Variants in NID2 observed in about 807,000 individuals in gnomAD.
NID2 encodes nidogen-2.
Under a neutral mutation model 145.4 loss-of-function variants are expected in NID2, and 83 were observed. That is an observed-to-expected ratio of 0.57 (90% CI 0.48 to 0.69). The LOEUF is 0.69. Ranked by LOEUF, NID2 falls within the 30% of genes least tolerant of loss-of-function variation. The probability of loss-of-function intolerance (pLI) is 0.00; values close to 1 mark genes in which losing one functional copy is unlikely to be tolerated. For synonymous variants in NID2, 739 were observed against 701.3 expected, an observed-to-expected ratio of 1.05 and a Z score of -0.85; for missense variants, 1,807 against 1,765.7, an observed-to-expected ratio of 1.02 and a Z score of -0.42.
intron 3 of NID2, 38 bp from the exon 4 acceptor site, chr14:52,054,359 C>A: frequency 6.4e-7 from 1 of 1,573,110 alleles, no homozygotes; most frequent in Non-Finnish European, 8.6e-7. Flanking sequence ...ACAAATGTAA[C>A]AAAAGTGTCC....
chr14:52,065,120 C>T (rs1893142922), intron 2 of NID2, among the ~76,000 whole-genome samples: 1 of 152,120 alleles, frequency 6.6e-6, no homozygotes, highest in Non-Finnish European at 1.5e-5. Flanking sequence ...TACACCTTGA[C>T]ATTCCTGCAA....
intron 13 of NID2, among the ~76,000 whole-genome samples, chr14:52,019,521 A>G (rs1022454314): frequency 2.6e-5 from 4 of 152,076 alleles, no homozygotes; most frequent in Non-Finnish European, 5.9e-5. Flanking sequence ...GCCCCTCCCT[A>G]TTGTCATCTG....
At chr14:52,061,367 T>C (rs1318283553) in intron 2 of NID2, among the ~76,000 whole-genome samples, 1 of 152,198 alleles carries the variant, frequency 6.6e-6, no homozygotes, top group Middle Eastern at 3.2e-3. Context: ...ACACCATTCA[T>C]TTATTCATTC....
Position 52,006,582 on chromosome 14 carries a change from C to T in NID2, c.3959G>A (p.Ser1320Asn). 6.2e-7 allele frequency: 1 copy of T among 1,613,846 alleles called. No homozygotes were observed. Residue 1320 changes from serine (S) to asparagine (N), a missense_variant, in exon 20 of 22, where the codon AGC becomes AAC. Physicochemically the swap from Ser to Asn is conservative, Grantham distance 46. Transcript: ENST00000216286. ...VIQNNLKYPF[S>N]IVSYADHFYH... ...GAAGTGATCTGCATAGCTTACGATG[C>T]TGAAGGGGTACTTGAGGTTGTTTTG...
chr14:52,034,671 C>G (rs1408416012), intron 9 of NID2, among the ~76,000 whole-genome samples: 3 of 152,184 alleles, frequency 2.0e-5, no homozygotes, highest in African/African-American at 7.2e-5. Flanking sequence ...TTTATTGAGC[C>G]TGCTGAGGCT....
chr14:52,030,573 G>GGA (rs1891801447), intron 9 of NID2, among the ~76,000 whole-genome samples: 4 of 26,038 alleles, frequency 1.5e-4, no homozygotes, highest in African/African-American at 5.0e-4. Flanking sequence ...AGAAAGGAAG[G>GGA]AAGGGAAAGA....
At chr14:52,065,479 CT>C (rs1820960532) in intron 2 of NID2, among the ~76,000 whole-genome samples, 1 of 106,848 alleles carries the variant, frequency 9.4e-6, no homozygotes, top group African/African-American at 4.0e-5. Context: ...TTTCCCCTTT[CT>C]TTTTTATTTA....
intron 9 of NID2, among the ~76,000 whole-genome samples, chr14:52,030,066 C>T (rs1211618490): frequency 1.3e-5 from 2 of 152,088 alleles, no homozygotes; most frequent in East Asian, 3.9e-4. Flanking sequence ...ATAAGGAAAT[C>T]AAGTGAGACA....
intron 3 of NID2, among the ~76,000 whole-genome samples, chr14:52,059,921 T>C (rs908896328): frequency 1.3e-5 from 2 of 152,162 alleles, no homozygotes; most frequent in African/African-American, 4.8e-5. Context: ...CTATACCCAA[T>C]AGAGCAGGAA....
intron 12 of NID2, among the ~76,000 whole-genome samples, chr14:52,020,745 T>A (rs545895775): frequency 1.5e-4 from 23 of 152,338 alleles, no homozygotes; most frequent in African/African-American, 5.5e-4. Flanking sequence ...GTATTTTCTT[T>A]ACTTTCCACT....
intron 5 of NID2, among the ~76,000 whole-genome samples, chr14:52,046,593 C>T (rs2645737): frequency 0.49 from 74,951 of 151,854 alleles, 18,862 homozygotes; most frequent in South Asian, 0.55. Flanking sequence ...AGAGGCAGGG[C>T]GATGCAGCCA....
intron 5 of NID2, among the ~76,000 whole-genome samples, chr14:52,050,738 G>A (rs1000922854): frequency 9.2e-5 from 14 of 152,144 alleles, no homozygotes; most frequent in African/African-American, 3.4e-4. Flanking sequence ...CTCCCGAGTA[G>A]CTAGGACCAC....
intron 6 of NID2, among the ~76,000 whole-genome samples, 155 bp from the exon 7 acceptor site, chr14:52,042,505 G>T (rs1168607731): frequency 6.8e-6 from 1 of 146,522 alleles, no homozygotes; most frequent in Non-Finnish European, 1.5e-5. Context: ...CTATGAAACA[G>T]TCCTGCCTCC....
Position 52,029,603 on chromosome 14 carries a change from A to G in NID2, c.2345T>C (p.Val782Ala), listed in dbSNP as rs1189210029. The change falls in exon 10 of 22, where the codon GTA becomes GCA. Residue 782 changes from valine to alanine, a missense_variant. Transcript: ENST00000216286. ...AGATGCGCACTCACAGGTGTAATCTACACCTGTCCCTGGATGGCACCGTGC... is the reference window on the plus strand; with the variant it reads ...AGATGCGCACTCACAGGTGTAATCTGCACCTGTCCCTGGATGGCACCGTGC... ...TTARCHPGTG[V>A]DYTCECASGY... The G allele has an allele frequency of 3.1e-6, 5 of 1,614,000 alleles. No homozygotes were observed. The highest frequency in any genetic ancestry group is 4.2e-6 in the Non-Finnish European group (5 of 1,179,984).
intron 14 of NID2, among the ~76,000 whole-genome samples, chr14:52,017,353 T>C (rs1226542861): frequency 5.9e-5 from 9 of 152,166 alleles, no homozygotes; most frequent in Non-Finnish European, 1.3e-4. Context: ...TTTGAAATTG[T>C]GGGCACAGAG....
intron 12 of NID2, among the ~76,000 whole-genome samples, chr14:52,023,681 A>G (rs1490531346): frequency 6.6e-6 from 1 of 152,024 alleles, no homozygotes; most frequent in Non-Finnish European, 1.5e-5. Context: ...CAACAATCCA[A>G]AAGGACAAAC....
intron 15 of NID2, among the ~76,000 whole-genome samples, chr14:52,014,728 AAAAC>A (rs1224353505): frequency 1.3e-5 from 2 of 151,830 alleles, no homozygotes; most frequent in Non-Finnish European, 2.9e-5. Context: ...AGAGAAAAAA[AAAAC>A]AGAGCCAGCA....
chr14:52,042,965 T>G, intron 5 of NID2, 34 bp from the exon 6 acceptor site: 1 of 1,609,350 alleles, frequency 6.2e-7, no homozygotes, highest in Non-Finnish European at 8.5e-7. Flanking sequence ...TTAAAAGGAC[T>G]AAATGATTCC....
chr14:52,035,865 T>TGTATATATATATAC (rs1892047185), intron 9 of NID2, among the ~76,000 whole-genome samples: 1 of 131,266 alleles, frequency 7.6e-6, no homozygotes, highest in Non-Finnish European at 1.6e-5. Context: ...TGTATATATA[T>TGTATATATATATAC]ATATATATAT....
Sources: gnomAD v4.1 joint callset for allele counts (sites outside exome capture counted in the v4.1 genomes callset) on GRCh38, gnomAD v4.1.1 for gene constraint, MANE v1.5 for transcripts, NCBI Gene and HGNC (gene_info 2026-07-23, HGNC 2026-07-21) for gene names.